Variants in RARB observed in about 807,000 individuals in gnomAD.
RARB encodes retinoic acid receptor beta, also known as HBV-activated protein.
In RARB, 17 loss-of-function variants were observed where a neutral mutation model predicts 51.9. The ratio of observed to expected loss-of-function variants is 0.33; its 90% confidence interval spans 0.22 to 0.49. The LOEUF is 0.49. Ranked by LOEUF, RARB falls within the 20% of genes least tolerant of loss-of-function variation. The probability of loss-of-function intolerance (pLI) is 0.99; values close to 1 mark genes in which losing one functional copy is unlikely to be tolerated. For missense variants in RARB, 369 were observed against 550.8 expected (o/e 0.67, Z 3.30); for synonymous variants, 215 against 195.4 (o/e 1.10, Z -0.84).
At chr3:25,286,150 A>G (rs186426384) in intron 5 of RARB, among the ~76,000 whole-genome samples, 1,524 of 124,234 alleles carry the variant, frequency 0.012, 18 homozygotes, top group African/African-American at 0.043. Flanking sequence ...GTGCAGTGGC[A>G]TGATCTCAGC....
intron 4 of RARB, among the ~76,000 whole-genome samples, chr3:25,147,421 T>G (rs1028751259): frequency 1.3e-5 from 2 of 152,196 alleles, no homozygotes. Context: ...TTAACAAGGT[T>G]ACTTCTTCTA....
intron 5 of RARB, among the ~76,000 whole-genome samples, chr3:25,340,823 G>A (rs1705206355): frequency 6.6e-6 from 1 of 152,180 alleles, no homozygotes; most frequent in Admixed American, 6.5e-5. Context: ...TGAAGCAAAT[G>A]AAAATCAAGT....
At chr3:25,049,862 T>C (rs1698291820) in intron 2 of RARB, among the ~76,000 whole-genome samples, 1 of 152,198 alleles carries the variant, frequency 6.6e-6, no homozygotes, top group African/African-American at 2.4e-5. Flanking sequence ...ATACGTATTT[T>C]TGGCATTGTG....
At chr3:25,198,568 T>G (rs1462954087) in intron 5 of RARB, among the ~76,000 whole-genome samples, 1 of 151,960 alleles carries the variant, frequency 6.6e-6, no homozygotes, top group Non-Finnish European at 1.5e-5. Context: ...TAGGAAAAAC[T>G]ATTGTAAATA....
chr3:24,831,718 A>G (rs574596653), intron 1 of RARB, among the ~76,000 whole-genome samples: 1 of 152,236 alleles, frequency 6.6e-6, no homozygotes, highest in African/African-American at 2.4e-5. Context: ...AAACTGTTGC[A>G]AATAATCAGA....
chr3:25,531,876 C>T (rs1428424092), intron 3 of RARB, among the ~76,000 whole-genome samples: 1 of 149,292 alleles, frequency 6.7e-6, no homozygotes, highest in Non-Finnish European at 1.5e-5. Context: ...GGGAGAAGAA[C>T]AGAAATCTGG....
intron 5 of RARB, among the ~76,000 whole-genome samples, chr3:25,240,667 C>T (rs1702410521): frequency 6.6e-6 from 1 of 152,140 alleles, no homozygotes; most frequent in African/African-American, 2.4e-5. Context: ...ATTCTTACAT[C>T]CCTGAGATGA....
At chr3:25,066,291 T>C (rs1459998281) in intron 3 of RARB, among the ~76,000 whole-genome samples, 1 of 152,216 alleles carries the variant, frequency 6.6e-6, no homozygotes, top group Non-Finnish European at 1.5e-5. Flanking sequence ...TTGACTAGGA[T>C]GTCAATGTCT....
intron 2 of RARB, among the ~76,000 whole-genome samples, chr3:24,940,767 T>A (rs1401173012): frequency 6.6e-6 from 1 of 152,084 alleles, no homozygotes; most frequent in Admixed American, 6.5e-5. Flanking sequence ...AGCTCTGGAG[T>A]CATAAGGCTC....
chr3:25,266,581 C>A (rs938164654), intron 5 of RARB, among the ~76,000 whole-genome samples: 2 of 152,152 alleles, frequency 1.3e-5, no homozygotes, highest in Non-Finnish European at 2.9e-5. Context: ...GTTGTCGTAT[C>A]TTTGAATTTA....
chr3:25,473,054 A>T (rs1695775026), intron 2 of RARB, among the ~76,000 whole-genome samples: 1 of 152,190 alleles, frequency 6.6e-6, no homozygotes, highest in Non-Finnish European at 1.5e-5. Context: ...CACAACAGTC[A>T]TACCAGCACA....
chr3:25,074,716 G>C (rs1698837346), intron 3 of RARB, among the ~76,000 whole-genome samples: 1 of 152,028 alleles, frequency 6.6e-6, no homozygotes, highest in Non-Finnish European at 1.5e-5. Context: ...CTATCACACT[G>C]TACCACTGAG....
At chr3:24,870,847 T>A (rs1221584300) in intron 2 of RARB, among the ~76,000 whole-genome samples, 1 of 152,100 alleles carries the variant, frequency 6.6e-6, no homozygotes, top group Non-Finnish European at 1.5e-5. Flanking sequence ...AATTGGGAGA[T>A]CCATCACCTC....
At chr3:25,035,450 C>G (rs1267822881) in intron 2 of RARB, among the ~76,000 whole-genome samples, 1 of 106,602 alleles carries the variant, frequency 9.4e-6, no homozygotes, top group East Asian at 3.3e-4. Context: ...TTTTTTTTCT[C>G]TCAAGGTAGC....
At chr3:25,262,345 G>A (rs1162433751) in intron 5 of RARB, among the ~76,000 whole-genome samples, 2 of 152,058 alleles carry the variant, frequency 1.3e-5, no homozygotes, top group Non-Finnish European at 2.9e-5. Flanking sequence ...TGCAAGTTAG[G>A]CTCTATCCTG....
chr3:25,501,899 G>T lies in RARB; in HGVS notation c.448+576G>T, dbSNP rs1697333759. ...ATATTTTAAAAATACATTAAAAATT[G>T]GCTACTGGTCCATAAATATCTGATG... On this transcript the variant is annotated intron_variant, in intron 3 of 7. Transcript: ENST00000330688. Among the ~76,000 whole-genome samples, 8 of 152,252 alleles carry T rather than the reference G, an allele frequency of 5.3e-5. No homozygotes were observed. In the South Asian group the frequency reaches 1.7e-3, roughly 32 times the overall value.
chr3:25,126,440 CTCT>C (rs1257342570), intron 3 of RARB, among the ~76,000 whole-genome samples: 5 of 150,664 alleles, frequency 3.3e-5, no homozygotes, highest in Non-Finnish European at 7.4e-5. Flanking sequence ...TGAAAACAAT[CTCT>C]TTTTTTTTTT....
chr3:25,545,355 C>T (rs1261322945), intron 3 of RARB, among the ~76,000 whole-genome samples: 11 of 152,134 alleles, frequency 7.2e-5, no homozygotes, highest in African/African-American at 1.4e-4. Context: ...GTCTCCTTGC[C>T]TCTCAAAGGT....
intron 5 of RARB, among the ~76,000 whole-genome samples, chr3:25,193,661 G>C (rs1355016586): frequency 6.6e-6 from 1 of 151,858 alleles, no homozygotes; most frequent in East Asian, 1.9e-4. Context: ...TTCTTTGCTA[G>C]CAGCTGTTGT....
Sources: gnomAD v4.1 joint callset for allele counts (sites outside exome capture counted in the v4.1 genomes callset) on GRCh38, gnomAD v4.1.1 for gene constraint, MANE v1.5 for transcripts, NCBI Gene and HGNC (gene_info 2026-07-23, HGNC 2026-07-21) for gene names.